Variants in GLIS1 observed in about 807,000 individuals in gnomAD.
The protein encoded by GLIS1 is GLIS family zinc finger 1.
A neutral mutation model predicts 63.8 loss-of-function variants in GLIS1; 24 were observed. That is an observed-to-expected ratio of 0.38 (90% confidence interval 0.27 to 0.53). The LOEUF is 0.53. Ranked by LOEUF, GLIS1 falls within the 20% of genes least tolerant of loss-of-function variation. The pLI is 0.85. For synonymous variants in GLIS1, 450 were observed against 482.5 expected, an observed-to-expected ratio of 0.93 and a Z score of 0.88; for missense variants, 1,036 against 1,074.1, an observed-to-expected ratio of 0.96 and a Z score of 0.50.
chr1:53,516,281 A>C (rs1368297907), intron 7 of GLIS1, among the ~76,000 whole-genome samples: 2 of 152,166 alleles, frequency 1.3e-5, no homozygotes, highest in Non-Finnish European at 2.9e-5. Flanking sequence ...GGGGTAAGGG[A>C]AACTTTTACC....
chr1:53,620,377 C>T (rs749201650), intron 2 of GLIS1, among the ~76,000 whole-genome samples: 5 of 152,198 alleles, frequency 3.3e-5, no homozygotes, highest in South Asian at 2.1e-4. Context: ...AGAAAATGGG[C>T]GGGGGGGCCA....
chr1:53,648,905 A>G (rs1018075977), intron 2 of GLIS1, among the ~76,000 whole-genome samples: 3 of 152,244 alleles, frequency 2.0e-5, no homozygotes, highest in Admixed American at 2.0e-4. Flanking sequence ...TACTGGGTCC[A>G]CAGTTACATT....
Position 53,519,159 on chromosome 1 carries a change from C to T in GLIS1, c.1726+1475G>A, listed in dbSNP as rs971891886. Reference sequence around the variant, plus strand: ...TCGTCCCTGGGTTGGATGAGCCCCCCGGTCCCTTCCAGCCCTGCCATTTTA... The same window carrying T: ...TCGTCCCTGGGTTGGATGAGCCCCCTGGTCCCTTCCAGCCCTGCCATTTTA... On this transcript the variant is annotated intron_variant, in intron 7 of 10. Transcript: ENST00000628545. Among the ~76,000 whole-genome samples the T allele has an allele frequency of 5.3e-5, 8 of 152,296 alleles. No homozygotes were observed. The South Asian group carries it at 1.5e-3, about 28-fold the overall frequency.
intron 2 of GLIS1, among the ~76,000 whole-genome samples, chr1:53,673,674 G>C (rs893521985): frequency 2.0e-5 from 3 of 152,240 alleles, no homozygotes; most frequent in Non-Finnish European, 4.4e-5. Flanking sequence ...GCATTTGTTG[G>C]ATGAACAGAT....
At chr1:53,690,873 G>A (rs1646396759) in intron 2 of GLIS1, among the ~76,000 whole-genome samples, 1 of 152,194 alleles carries the variant, frequency 6.6e-6, no homozygotes, top group South Asian at 2.1e-4. Context: ...CATAAATCTA[G>A]ACATGTAATC....
At position 53,645,271 on chromosome 1, in the gene GLIS1, C is replaced by A. The variant is rs530709288; in HGVS notation, c.260-44993G>T. 3.9e-5 allele frequency among the ~76,000 whole-genome samples: 6 copies of A among 152,262 alleles called. No homozygotes were observed. The South Asian group carries it at 1.2e-3, about 32-fold the overall frequency. ...TTTCCTGGTCGTGCTATTCCAAACA[C>A]GAAATAGCCCTCTCCAACACTTCCT... is the stretch of plus-strand genomic sequence containing the variant. On this transcript the variant is annotated intron_variant, in intron 2 of 10. Coordinates refer to ENST00000628545, the MANE Select transcript of GLIS1 (RefSeq NM_001367484.1).
chr1:53,709,556 A>C (rs1646624376), intron 2 of GLIS1, among the ~76,000 whole-genome samples: 1 of 151,836 alleles, frequency 6.6e-6, no homozygotes, highest in Non-Finnish European at 1.5e-5. Flanking sequence ...AGCTGGGTTC[A>C]TGAATGGGTA....
intron 4 of GLIS1, among the ~76,000 whole-genome samples, chr1:53,538,448 G>A (rs1316293405): frequency 3.9e-5 from 6 of 152,190 alleles, no homozygotes; most frequent in Non-Finnish European, 1.5e-5. Context: ...TGGAAACTGA[G>A]TTTAGGTGAA....
At chr1:53,512,890 C>T (rs371977612) in intron 8 of GLIS1, among the ~76,000 whole-genome samples, 44 of 151,548 alleles carry the variant, frequency 2.9e-4, no homozygotes, top group East Asian at 2.5e-3. Context: ...GCCTGAGCAG[C>T]TATGGGTGGG....
intron 4 of GLIS1, among the ~76,000 whole-genome samples, chr1:53,581,819 G>A (rs1460501752): frequency 6.6e-6 from 1 of 152,046 alleles, no homozygotes; most frequent in African/African-American, 2.4e-5. Context: ...TGGGGCCAGA[G>A]AGCTCAGGAG....
At chr1:53,724,789 T>G (rs1646789145) in intron 2 of GLIS1, among the ~76,000 whole-genome samples, 2 of 152,180 alleles carry the variant, frequency 1.3e-5, no homozygotes, top group Admixed American at 1.3e-4. Context: ...TCCTCCTGTC[T>G]CAGCCTCACC....
chr1:53,566,430 C>T (rs1644937200), intron 4 of GLIS1, among the ~76,000 whole-genome samples: 1 of 152,278 alleles, frequency 6.6e-6, no homozygotes, highest in South Asian at 2.1e-4. Context: ...AAGTTACTTT[C>T]CTATATATCA....
At chr1:53,513,497 A>C (rs1644319092) in intron 8 of GLIS1, among the ~76,000 whole-genome samples, 1 of 151,188 alleles carries the variant, frequency 6.6e-6, no homozygotes, top group African/African-American at 2.4e-5. Context: ...CACTCTTGCT[A>C]CTCCTTCCTC....
chr1:53,714,589 AC>A (rs760653914), intron 2 of GLIS1, among the ~76,000 whole-genome samples: 129 of 152,224 alleles, frequency 8.5e-4, no homozygotes, highest in Non-Finnish European at 1.6e-3. Flanking sequence ...TTTCCACTGT[AC>A]CAGCTGCGGG....
chr1:53,645,102 G>A (rs377692971), intron 2 of GLIS1, among the ~76,000 whole-genome samples: 14 of 152,150 alleles, frequency 9.2e-5, no homozygotes, highest in African/African-American at 2.9e-4. Flanking sequence ...TGGCTATTCC[G>A]CACTCATGCC....
At chr1:53,589,822 C>A (rs998853892) in intron 4 of GLIS1, among the ~76,000 whole-genome samples, 6 of 152,210 alleles carry the variant, frequency 3.9e-5, no homozygotes, top group African/African-American at 1.4e-4. Flanking sequence ...GCCCCCTGAG[C>A]AGACACTGTC....
rs188929992 is a variant in GLIS1, at chr1:53,657,950, C to A, written c.260-57672G>T. On this transcript the variant is annotated intron_variant, in intron 2 of 10. Coordinates refer to ENST00000628545, the MANE Select transcript of GLIS1 (RefSeq NM_001367484.1). ...TCATCCTCTCAGCCTGGGCTCTCAA[C>A]TTCCTGTCTGGTCCCCTACTAGCCA... Among the ~76,000 whole-genome samples, 5 of 152,272 alleles carry A rather than the reference C, an allele frequency of 3.3e-5. No individual in the cohort carries two copies. In the East Asian group the frequency reaches 7.7e-4, roughly 24 times the overall value.
chr1:53,611,984 C>T (rs1395988212), intron 2 of GLIS1, among the ~76,000 whole-genome samples: 1 of 152,148 alleles, frequency 6.6e-6, no homozygotes, highest in Non-Finnish European at 1.5e-5. Context: ...CAGGCCCATA[C>T]CACCATGGCC....
At chr1:53,638,817 C>T (rs2100280722) in intron 2 of GLIS1, among the ~76,000 whole-genome samples, 1 of 152,240 alleles carries the variant, frequency 6.6e-6, no homozygotes, top group South Asian at 2.1e-4. Context: ...CGGGGGAGCA[C>T]ATGACGAGGC....
Sources: gnomAD v4.1 joint callset for allele counts (sites outside exome capture counted in the v4.1 genomes callset) on GRCh38, gnomAD v4.1.1 for gene constraint, MANE v1.5 for transcripts, NCBI Gene and HGNC (gene_info 2026-07-23, HGNC 2026-07-21) for gene names.